The following SUGCT variants were observed in gnomAD, a reference collection of about 807,000 sequenced individuals.
SUGCT encodes succinyl-CoA:glutarate-CoA transferase, also known as succinyl-CoA:glutarate CoA-transferase.
A neutral mutation model predicts 55.0 loss-of-function variants in SUGCT; 41 were observed. The ratio of observed to expected loss-of-function variants is 0.74; its 90% CI spans 0.58 to 0.97. The LOEUF (loss-of-function observed/expected upper bound fraction) is 0.97. Among genes scored for constraint, SUGCT ranks in the 50% least tolerant of loss-of-function variants. SUGCT has a pLI of 0.00. For missense variants in SUGCT, 568 were observed against 547.8 expected (o/e 1.04, Z -0.37); for synonymous variants, 187 against 200.4 (o/e 0.93, Z 0.56).
intron 13 of SUGCT, among the ~76,000 whole-genome samples, chr7:40,788,185 A>C (rs898125019): frequency 1.3e-5 from 2 of 152,110 alleles, no homozygotes; most frequent in Non-Finnish European, 2.9e-5. Context: ...TGGAGACCAA[A>C]TGGGGGCCTG....
At chr7:40,241,687 C>T (rs1229360603) in intron 7 of SUGCT, among the ~76,000 whole-genome samples, 1 of 150,254 alleles carries the variant, frequency 6.7e-6, no homozygotes, top group Non-Finnish European at 1.5e-5. Context: ...TTTGGGAGGC[C>T]GAGGCAGGCA....
intron 9 of SUGCT, among the ~76,000 whole-genome samples, chr7:40,344,406 C>T (rs888485864): frequency 4.6e-5 from 7 of 152,090 alleles, no homozygotes. Context: ...TGGATCTGTG[C>T]TGATTTTATG....
intron 9 of SUGCT, among the ~76,000 whole-genome samples, chr7:40,444,103 C>G (rs887671202): frequency 1.3e-5 from 2 of 152,014 alleles, no homozygotes; most frequent in Admixed American, 1.3e-4. Context: ...GGTACCAGTA[C>G]CATGCTGTTT....
At chr7:40,663,442 T>G (rs995413002) in intron 12 of SUGCT, among the ~76,000 whole-genome samples, 1 of 152,046 alleles carries the variant, frequency 6.6e-6, no homozygotes, top group African/African-American at 2.4e-5. Flanking sequence ...TCTGTCTCTT[T>G]GTCTTCTTTT....
At chr7:40,861,558 A>T (rs577544061), downstream of SUGCT, among the ~76,000 whole-genome samples, 72 of 152,352 alleles carry the variant, frequency 4.7e-4, 1 homozygote, top group South Asian at 2.1e-3. Flanking sequence ...TAATGTCATT[A>T]CACACCAAAT....
intron 6 of SUGCT, among the ~76,000 whole-genome samples, chr7:40,235,317 GA>G (rs202094229): frequency 3.5e-4 from 53 of 152,152 alleles, no homozygotes; most frequent in Non-Finnish European, 6.2e-4. Flanking sequence ...GATTGTTTTT[GA>G]AAAAAATTTT....
At chr7:40,869,990 AT>A in the SUGCT span, among the ~76,000 whole-genome samples, 1 of 152,202 alleles carries the variant, frequency 6.6e-6, no homozygotes, top group Non-Finnish European at 1.5e-5. Context: ...TTAAGGCGGC[AT>A]CTTACAAGTT....
intron 9 of SUGCT, among the ~76,000 whole-genome samples, chr7:40,448,959 T>C: frequency 6.7e-6 from 1 of 148,906 alleles, no homozygotes; most frequent in African/African-American, 2.5e-5. Flanking sequence ...TGTATATATA[T>C]ATAGAGAGAG....
At chr7:40,669,941 G>A (rs377331297) in intron 12 of SUGCT, among the ~76,000 whole-genome samples, 1 of 151,760 alleles carries the variant, frequency 6.6e-6, no homozygotes. Flanking sequence ...GATTCAAGAA[G>A]TGGAGCACAC....
At chr7:40,939,625 T>C in the SUGCT span, among the ~76,000 whole-genome samples, 1 of 152,290 alleles carries the variant, frequency 6.6e-6, no homozygotes, top group East Asian at 1.9e-4. Context: ...AATTTGCATG[T>C]CCCTGATGAT....
At chr7:40,903,868 T>G in the SUGCT span, among the ~76,000 whole-genome samples, 1 of 152,190 alleles carries the variant, frequency 6.6e-6, no homozygotes, top group African/African-American at 2.4e-5. Context: ...GGGCTGAGAT[T>G]GACAACTGAC....
At chr7:40,190,129 T>A (rs2150735456) in intron 5 of SUGCT, among the ~76,000 whole-genome samples, 1 of 152,300 alleles carries the variant, frequency 6.6e-6, no homozygotes, top group South Asian at 2.1e-4. Flanking sequence ...TAAGGGTGGA[T>A]ACCTTTGCAT....
chr7:40,540,151 T>C (rs1794594810), intron 12 of SUGCT, among the ~76,000 whole-genome samples: 1 of 151,996 alleles, frequency 6.6e-6, no homozygotes, highest in East Asian at 1.9e-4. Context: ...ATCATAAGTA[T>C]AGGCATGTCT....
At chr7:40,245,451 T>A (rs13308521) in intron 7 of SUGCT, among the ~76,000 whole-genome samples, 14 of 85,972 alleles carry the variant, frequency 1.6e-4, no homozygotes, top group African/African-American at 4.3e-4. Flanking sequence ...TTTTTTTTTT[T>A]TTTTTTGAGA....
intron 12 of SUGCT, among the ~76,000 whole-genome samples, chr7:40,704,486 G>GCTAACAGGT (rs538553183): frequency 4.3e-4 from 66 of 152,262 alleles, no homozygotes; most frequent in African/African-American, 1.6e-3. Flanking sequence ...AGGAGTTCCA[G>GCTAACAGGT]CTAACAGGTG....
chr7:40,898,006 C>G, the SUGCT span, among the ~76,000 whole-genome samples: 1 of 152,154 alleles, frequency 6.6e-6, no homozygotes, highest in South Asian at 2.1e-4. Context: ...AGGTTCCCTT[C>G]CGGTGTGAAA....
chr7:41,008,947 C>T, the SUGCT span, among the ~76,000 whole-genome samples: 75 of 152,074 alleles, frequency 4.9e-4, no homozygotes, highest in Middle Eastern at 3.4e-3. Context: ...TTGGGTCTTG[C>T]GAGAATATGA....
chr7:40,232,483 A>G (rs545158583), intron 6 of SUGCT, among the ~76,000 whole-genome samples: 2 of 152,316 alleles, frequency 1.3e-5, no homozygotes, highest in African/African-American at 4.8e-5. Flanking sequence ...AGTTTGTCAA[A>G]GGGACCTGTG....
At chr7:40,356,595 T>A (rs1034948753) in intron 9 of SUGCT, among the ~76,000 whole-genome samples, 1 of 152,172 alleles carries the variant, frequency 6.6e-6, no homozygotes, top group Non-Finnish European at 1.5e-5. Context: ...AATAATACGA[T>A]GAATAACCAT....
Sources: allele counts gnomAD v4.1 joint callset (sites outside exome capture counted in the v4.1 genomes callset), GRCh38; gene constraint gnomAD v4.1.1; transcripts MANE v1.5; gene names NCBI Gene and HGNC (gene_info 2026-07-23, HGNC 2026-07-21).